Variants in PARM1 observed in about 807,000 individuals in gnomAD.
PARM1 encodes WSC4, cell wall integrity and stress response component 4 homolog.
In PARM1, 14 loss-of-function variants were observed where a neutral mutation model predicts 24.6. The ratio of observed to expected loss-of-function variants is 0.57; its 90% CI spans 0.38 to 0.89. The LOEUF (loss-of-function observed/expected upper bound fraction) is 0.89, where lower values mean the gene tolerates loss of function less well. Ranked by LOEUF, PARM1 falls within the 40% of genes least tolerant of loss-of-function variation. The pLI is 0.00. For synonymous variants in PARM1, 179 were observed against 156.6 expected, an observed-to-expected ratio of 1.14 and a Z score of -1.07; for missense variants, 362 against 380.4, an observed-to-expected ratio of 0.95 and a Z score of 0.40.
intron 1 of PARM1, among the ~76,000 whole-genome samples, chr4:74,945,896 T>C (rs1171857893): frequency 9.9e-5 from 15 of 152,242 alleles, no homozygotes; most frequent in Admixed American, 9.8e-4. Flanking sequence ...ATTAATACTC[T>C]ATGACATTAT....
chr4:74,966,285 G>C (rs1005614113), intron 1 of PARM1, among the ~76,000 whole-genome samples: 3 of 152,116 alleles, frequency 2.0e-5, no homozygotes, highest in African/African-American at 7.2e-5. Flanking sequence ...CAGGACTATT[G>C]CAATATGTGT....
rs1723323069 is a variant in PARM1, at chr4:75,033,980, T to TTAAAAAAAAGG, written c.848+20_848+30dup. The TTAAAAAAAAGG allele has an allele frequency of 1.3e-6, 2 of 1,572,964 alleles. No individual in the cohort carries two copies. The highest frequency in any genetic ancestry group is 1.7e-6 in the Non-Finnish European group (2 of 1,156,790). The stretch of plus-strand genomic sequence containing the variant: ...AAATCAGGTGAGACGCAGCTTACTC[T>TTAAAAAAAAGG]TAAAAAAAAGGGATTCTGTTTTGTT... On this transcript the variant is annotated intron_variant, in intron 3 of 3. Coordinates refer to ENST00000307428, the MANE Select transcript of PARM1 (RefSeq NM_015393.4).
chr4:74,982,057 A>G (rs768421558), intron 1 of PARM1, among the ~76,000 whole-genome samples: 12 of 152,184 alleles, frequency 7.9e-5, no homozygotes, highest in Non-Finnish European at 5.9e-5. Context: ...ATGCCTGTCA[A>G]TGATAGACTA....
chr4:74,961,894 T>C (rs1721783169), intron 1 of PARM1, among the ~76,000 whole-genome samples: 1 of 152,136 alleles, frequency 6.6e-6, no homozygotes, highest in Admixed American at 6.5e-5. Flanking sequence ...AAGATCTCAA[T>C]AAAGGTAAAT....
intron 3 of PARM1, among the ~76,000 whole-genome samples, chr4:75,045,594 G>T (rs1723585868): frequency 6.6e-6 from 1 of 152,276 alleles, no homozygotes; most frequent in South Asian, 2.1e-4. Flanking sequence ...GATGACTTTG[G>T]GCACTTCAAT....
At chr4:75,010,523 A>G (rs1390827136) in intron 1 of PARM1, among the ~76,000 whole-genome samples, 1 of 152,238 alleles carries the variant, frequency 6.6e-6, no homozygotes, top group Non-Finnish European at 1.5e-5. Flanking sequence ...ATACTTTACC[A>G]CAATAAAAAA....
intron 1 of PARM1, among the ~76,000 whole-genome samples, chr4:74,998,840 A>G (rs984708034): frequency 1.3e-5 from 2 of 152,182 alleles, no homozygotes; most frequent in African/African-American, 4.8e-5. Context: ...ATCTTTGACA[A>G]TATATCAGGA....
At chr4:74,998,189 A>G (rs1006302192) in intron 1 of PARM1, among the ~76,000 whole-genome samples, 1 of 152,206 alleles carries the variant, frequency 6.6e-6, no homozygotes, top group Admixed American at 6.5e-5. Context: ...CATTTGAGAG[A>G]TACTGACAGT....
chr4:75,034,838 T>A (rs1261950917), intron 3 of PARM1: 1 of 152,488 alleles, frequency 6.6e-6, no homozygotes, highest in Non-Finnish European at 1.5e-5. Flanking sequence ...TCCTCTGCCC[T>A]GTCATTCCCT....
At position 75,048,821 on chromosome 4, in the gene PARM1, C is replaced by T. The variant is rs530987436; in HGVS notation, c.*2574C>T. On this transcript the variant is annotated 3_prime_UTR_variant, in exon 4 of 4. Coordinates refer to ENST00000307428, the MANE Select transcript of PARM1 (RefSeq NM_015393.4). ...TGACAGCTTCCCATAACAATTCTAA[C>T]ACTTCTTATCTTATGTGAGAATAAA... 2 of 152,750 alleles carry T rather than the reference C, an allele frequency of 1.3e-5. No homozygotes were observed. Among genetic ancestry groups the T allele is most frequent in the African/African-American group, 4.8e-5 (2 of 41,564 alleles). The allele number at this position is 152,750 out of a possible 1,614,324, so 9.5% of individuals were successfully genotyped here. A position where few individuals can be genotyped will look rare whatever the true frequency, so the allele number is the denominator to read the frequency against.
intron 1 of PARM1, among the ~76,000 whole-genome samples, chr4:74,965,811 T>G (rs1410010225): frequency 6.6e-6 from 1 of 152,156 alleles, no homozygotes; most frequent in Non-Finnish European, 1.5e-5. Context: ...GTCAAGGTGA[T>G]GAAAACAAGG....
chr4:74,971,409 A>G (rs1722035040), intron 1 of PARM1, among the ~76,000 whole-genome samples: 1 of 152,232 alleles, frequency 6.6e-6, no homozygotes, highest in Admixed American at 6.5e-5. Context: ...TTATAATTCA[A>G]GATGAGTTTT....
intron 1 of PARM1, among the ~76,000 whole-genome samples, chr4:74,940,531 A>T (rs753276910): frequency 1.3e-5 from 2 of 152,184 alleles, no homozygotes; most frequent in Non-Finnish European, 2.9e-5. Flanking sequence ...CTTTTATAAG[A>T]CACTATCCTC....
In PARM1 at chr4:74,970,062, G is replaced by A. The variant is rs139449586; in HGVS notation, c.43+36692G>A. 359 of 152,250 alleles carry A rather than the reference G, an allele frequency of 2.4e-3. 3 individuals are homozygous for A. Among genetic ancestry groups the A allele is most frequent in the Middle Eastern group, 6.8e-3 (2 of 296 alleles). The allele number at this position is 152,250 out of a possible 1,614,324, so 9.4% of individuals were successfully genotyped here. On this transcript the variant is annotated intron_variant, in intron 1 of 3. Transcript: ENST00000307428. ...TAGGGATGAAGGCGGGGCAGGGGGC[G>A]GTCAGTATCTCCACTCACATGTCAT...
intron 1 of PARM1, among the ~76,000 whole-genome samples, chr4:74,960,384 A>T (rs1433069496): frequency 1.3e-5 from 2 of 152,146 alleles, no homozygotes. Context: ...ACAACCACAT[A>T]TATGGGGGCA....
At position 74,983,131 on chromosome 4, in the gene PARM1, A is replaced by T. The variant is rs756225272; in HGVS notation, c.44-29294A>T. The stretch of plus-strand genomic sequence containing the variant: ...ACTGATTACAATTCATGACCAGGAC[A>T]GGTCTTACAAGAAGACTCTAGAGCA... On this transcript the variant is annotated intron_variant, in intron 1 of 3. Coordinates refer to ENST00000307428, the MANE Select transcript of PARM1 (RefSeq NM_015393.4). Among the ~76,000 whole-genome samples the T allele has an allele frequency of 2.0e-5, 3 of 152,312 alleles. No individual in the cohort carries two copies. The South Asian group carries it at 6.2e-4, about 32-fold the overall frequency.
chr4:74,997,356 G>A (rs971841406), intron 1 of PARM1, among the ~76,000 whole-genome samples: 20 of 152,170 alleles, frequency 1.3e-4, no homozygotes, highest in African/African-American at 4.8e-4. Flanking sequence ...GGATCATTTA[G>A]AAGGGTATAT....
chr4:75,017,003 C>G (rs529092401), intron 2 of PARM1, among the ~76,000 whole-genome samples: 1 of 152,198 alleles, frequency 6.6e-6, no homozygotes, highest in African/African-American at 2.4e-5. Context: ...AGCCTGTGCC[C>G]CTTGATCATT....
At chr4:74,986,215 TA>T (rs957579974) in intron 1 of PARM1, among the ~76,000 whole-genome samples, 23 of 151,480 alleles carry the variant, frequency 1.5e-4, no homozygotes, top group African/African-American at 3.6e-4. Context: ...CTTTCCTGAT[TA>T]AAAAAAAATG....
Sources: gnomAD v4.1 joint callset for allele counts (sites outside exome capture counted in the v4.1 genomes callset) on GRCh38, gnomAD v4.1.1 for gene constraint, MANE v1.5 for transcripts, NCBI Gene and HGNC (gene_info 2026-07-23, HGNC 2026-07-21) for gene names.